Variants in COBLL1 observed in about 807,000 individuals in gnomAD.
COBLL1 encodes cordon-bleu protein-like 1.
Under a neutral mutation model 94.8 loss-of-function variants are expected in COBLL1, and 50 were observed. The ratio of observed to expected loss-of-function variants is 0.53; its 90% CI spans 0.42 to 0.67. The LOEUF is 0.67. COBLL1 is among the 30% of genes least tolerant of loss of function. The pLI is 0.00. For synonymous variants in COBLL1, 448 were observed against 473.8 expected (o/e 0.95, Z 0.71); for missense variants, 1,362 against 1,348.7 (o/e 1.01, Z -0.15).
chr2:164,841,450 C>A lies in COBLL1; in HGVS notation c.-50-204G>T, dbSNP rs1299169520. On this transcript the variant is annotated intron_variant, in intron 1 of 13. Transcript: ENST00000652658. This position sits in a 1 kb window ranked among gnomAD's most constrained non-coding sequence, Gnocchi z 5.5. ...CAAGGTCTAGCGGGCGCCCAGAGCA[C>A]GGCGGAGGAGGCGGTGGCGCTGCAG... The A allele has an allele frequency of 8.7e-7, 1 of 1,148,344 alleles. No individual in the cohort carries two copies. The highest frequency in any genetic ancestry group is 1.6e-5 in the African/African-American group (1 of 61,512). 71.1% of individuals were successfully genotyped at this position (1,148,344 alleles called of 1,614,324 possible). A position where few individuals can be genotyped will look rare whatever the true frequency, so the allele number is the denominator to read the frequency against.
At position 164,786,632 on chromosome 2, in the gene COBLL1, A is replaced by G. The variant is rs77366998; in HGVS notation, c.42-42757T>C. Among the ~76,000 whole-genome samples the G allele has an allele frequency of 3.7e-3, 560 of 152,250 alleles. 7 individuals are homozygous for G. The highest frequency in any genetic ancestry group is 0.012 in the African/African-American group (513 of 41,542). On this transcript the variant is annotated intron_variant, in intron 2 of 13. Coordinates refer to ENST00000652658, the MANE Select transcript of COBLL1 (RefSeq NM_001365672.2). ...TTTTAAAAGTCTGGAATCACAGCATAAAGAACCCGTATGCAGGATTTTCAT... is the reference window on the plus strand; with the variant it reads ...TTTTAAAAGTCTGGAATCACAGCATGAAGAACCCGTATGCAGGATTTTCAT...
At position 164,841,760 on chromosome 2, in the gene COBLL1, T is replaced by C. The variant is rs1574689263; in HGVS notation, c.-101A>G. Reference sequence around the variant, plus strand: ...TCGCCTGTTCTCCCTCGCGGCTTCCTCTCCTACTCTTCCCTTCCCCGGCCC... The same window carrying C: ...TCGCCTGTTCTCCCTCGCGGCTTCCCCTCCTACTCTTCCCTTCCCCGGCCC... On this transcript the variant is annotated 5_prime_UTR_variant, in exon 1 of 14. Coordinates refer to ENST00000652658, the MANE Select transcript of COBLL1 (RefSeq NM_001365672.2). The surrounding 1 kb of genome is among the most constrained non-coding windows in gnomAD (Gnocchi z 5.5). 1 of 543,570 alleles carries C rather than the reference T, an allele frequency of 1.8e-6. No individual in the cohort carries two copies. Among genetic ancestry groups the C allele is most frequent in the Non-Finnish European group, 3.2e-6 (1 of 311,408 alleles). The allele number at this position is 543,570 out of a possible 1,614,324, so 33.7% of individuals were successfully genotyped here.
At chr2:164,729,791 C>G in intron 4 of COBLL1, 123 bp downstream of exon 4, 8 of 825,604 alleles carry the variant, frequency 9.7e-6, no homozygotes, top group Non-Finnish European at 1.5e-5. Context: ...AACAAAGTGC[C>G]TAGAAAAACA....
At chr2:164,818,042 C>G (rs560427229) in intron 2 of COBLL1, among the ~76,000 whole-genome samples, 2 of 151,722 alleles carry the variant, frequency 1.3e-5, no homozygotes, top group African/African-American at 4.8e-5. Flanking sequence ...ATGAAGATAT[C>G]AATCCTTATT....
Position 164,841,491 on chromosome 2 carries a change from GT to G in COBLL1, c.-51+218del, listed in dbSNP as rs1683617741. 1 of 1,117,050 alleles carries G rather than the reference GT, an allele frequency of 9.0e-7. No homozygotes were observed. The allele number at this position is 1,117,050 out of a possible 1,614,324, so 69.2% of individuals were successfully genotyped here. A position where few individuals can be genotyped will look rare whatever the true frequency, so the allele number is the denominator to read the frequency against. On this transcript the variant is annotated intron_variant, in intron 1 of 13. Coordinates refer to ENST00000652658, the MANE Select transcript of COBLL1 (RefSeq NM_001365672.2). The surrounding 1 kb of genome is among the most constrained non-coding windows in gnomAD (Gnocchi z 5.5). ...GGCGCTGCAGCCCCCGCCCCGTGGG[GT>G]TTACTGGGTAGCCATTTGGCGCCTC...
At chr2:164,687,041 G>A (rs1425629842) in intron 13 of COBLL1, among the ~76,000 whole-genome samples, 1 of 152,084 alleles carries the variant, frequency 6.6e-6, no homozygotes, top group African/African-American at 2.4e-5. Flanking sequence ...GAGTTTTCTC[G>A]ATTGTCTGAT....
intron 2 of COBLL1, among the ~76,000 whole-genome samples, chr2:164,768,121 A>G (rs1312803084): frequency 6.6e-6 from 1 of 152,166 alleles, no homozygotes; most frequent in Non-Finnish European, 1.5e-5. Context: ...ACAAACCTTT[A>G]AGAAATCATG....
rs564085873 is a variant in COBLL1 at position 164,784,505 on chromosome 2, G to A, written c.42-40630C>T. Reference sequence around the variant, plus strand: ...CGTAATTATTTCATGTGGCTGCTGCGGTGAATTCCAGAGTGATGTGAGCAT... The same window carrying A: ...CGTAATTATTTCATGTGGCTGCTGCAGTGAATTCCAGAGTGATGTGAGCAT... On this transcript the variant is annotated intron_variant, in intron 2 of 13. Coordinates refer to ENST00000652658, the MANE Select transcript of COBLL1 (RefSeq NM_001365672.2). Among the ~76,000 whole-genome samples the A allele has an allele frequency of 6.8e-4, 103 of 152,124 alleles. No homozygotes were observed. The South Asian group carries it at 0.017, about 25-fold the overall frequency.
intron 2 of COBLL1, among the ~76,000 whole-genome samples, chr2:164,764,022 A>G (rs1574544323): frequency 6.6e-6 from 1 of 152,152 alleles, no homozygotes; most frequent in Non-Finnish European, 1.5e-5. Flanking sequence ...CAGCCTCCAG[A>G]GTAGCTGAGA....
chr2:164,841,091 AGGCCTCGCTGTCCTCGCC>A lies in COBLL1; in HGVS notation c.41+47_41+64del. The stretch of plus-strand genomic sequence containing the variant: ...AGTTGCCAGCCAGGTGAAACGGCCG[AGGCCTCGCTGTCCTCGCC>A]GGCCTCGCCCTCCCCGGTGAGAGGC... On this transcript the variant is annotated intron_variant, in intron 2 of 13. Transcript: ENST00000652658. The surrounding 1 kb of genome is among the most constrained non-coding windows in gnomAD (Gnocchi z 5.5). 1 of 1,224,996 alleles carries A rather than the reference AGGCCTCGCTGTCCTCGCC, an allele frequency of 8.2e-7. No individual in the cohort carries two copies. Among genetic ancestry groups the A allele is most frequent in the Non-Finnish European group, 1.0e-6 (1 of 982,656 alleles). 75.9% of individuals were successfully genotyped at this position (1,224,996 alleles called of 1,614,324 possible).
intron 2 of COBLL1, among the ~76,000 whole-genome samples, chr2:164,818,287 T>C (rs1317644685): frequency 7.0e-6 from 1 of 142,582 alleles, no homozygotes; most frequent in Non-Finnish European, 1.6e-5. Flanking sequence ...TATACATATA[T>C]GTATGTATAC....
chr2:164,714,048 C>T (rs544439175), intron 7 of COBLL1, among the ~76,000 whole-genome samples: 17 of 151,814 alleles, frequency 1.1e-4, no homozygotes, highest in East Asian at 9.7e-4. Context: ...AAAATGACAA[C>T]GGCAAAGAAG....
chr2:164,824,369 A>G (rs1487807596), intron 2 of COBLL1, among the ~76,000 whole-genome samples: 1 of 151,398 alleles, frequency 6.6e-6, no homozygotes, highest in African/African-American at 2.4e-5. Flanking sequence ...CAACAGAGTG[A>G]GACTCTGTCC....
In COBLL1 at chr2:164,771,904, A is replaced by T. The variant is rs1688223494; in HGVS notation, c.42-28029T>A. ...TGGAATATAATTATACTCAATATTG[A>T]ATGTATAATGAGTCTGTGTTAAACA... On this transcript the variant is annotated intron_variant, in intron 2 of 13. Coordinates refer to ENST00000652658, the MANE Select transcript of COBLL1 (RefSeq NM_001365672.2). 4 of 152,042 alleles carry T rather than the reference A, an allele frequency of 2.6e-5. 1 individual carries two copies. The South Asian group carries it at 8.3e-4, about 31-fold the overall frequency. The allele number at this position is 152,042 out of a possible 1,614,324, so 9.4% of individuals were successfully genotyped here.
chr2:164,677,473 C>T (rs921122770), downstream of COBLL1, among the ~76,000 whole-genome samples: 3 of 152,130 alleles, frequency 2.0e-5, no homozygotes, highest in Admixed American at 1.3e-4. Context: ...ACAAAACATG[C>T]TAGGACTAGC....
Position 164,694,638 on chromosome 2 carries a change from G to A in COBLL1, c.2754C>T (p.Pro918=). 1.9e-6 allele frequency: 3 copies of A among 1,613,840 alleles called. No individual in the cohort carries two copies. Among genetic ancestry groups the A allele is most frequent in the Non-Finnish European group, 2.5e-6 (3 of 1,179,946 alleles). The part of the protein sequence containing the change: ...MLPSPEQTLS[P]LSKMPHSVPQ... ...GAACAGAGTGAGGCATTTTACTTAAGGGAGAAAGAGTCTGCTCCGGAGAAG... is the reference window on the plus strand; with the variant it reads ...GAACAGAGTGAGGCATTTTACTTAAAGGAGAAAGAGTCTGCTCCGGAGAAG... The change falls in exon 12 of 14, where the codon CCC becomes CCT. Residue 918 remains proline (P), a synonymous_variant. Transcript: ENST00000652658.
chr2:164,711,812 AAC>A lies in COBLL1; in HGVS notation c.997-6709_997-6708del, dbSNP rs1403341798. On this transcript the variant is annotated intron_variant, in intron 7 of 13. Coordinates refer to ENST00000652658, the MANE Select transcript of COBLL1 (RefSeq NM_001365672.2). ...GTCTAAAGGCTTTACAAAATGAGAA[AAC>A]ACAGAGGTTTCTACTTACTAGGGGA... Among the ~76,000 whole-genome samples, 5 of 152,334 alleles carry A rather than the reference AAC, an allele frequency of 3.3e-5. No individual in the cohort carries two copies. In the South Asian group the frequency reaches 6.2e-4, roughly 19 times the overall value.
chr2:164,688,386 T>A (rs1046609012), intron 13 of COBLL1, among the ~76,000 whole-genome samples: 3 of 152,192 alleles, frequency 2.0e-5, no homozygotes, highest in Non-Finnish European at 2.9e-5. Flanking sequence ...GACAGTGTAG[T>A]GCTCAATAAA....
chr2:164,694,541 T>A lies in COBLL1; in HGVS notation c.2851A>T (p.Ile951Leu). 6.2e-7 allele frequency: 1 copy of A among 1,613,938 alleles called. No individual in the cohort carries two copies. The highest frequency in any genetic ancestry group is 8.5e-7 in the Non-Finnish European group (1 of 1,179,930). The change falls in exon 12 of 14, where the codon ATA (isoleucine) becomes TTA (leucine). Residue 951 changes from isoleucine to leucine, a missense_variant. Transcript: ENST00000652658. Reference sequence around the variant, plus strand: ...GGAATTGTCACAGGTTTTGGAGCTATGGGAGGAGGGGAGGCTTCAGCAGGA... The same window carrying A: ...GGAATTGTCACAGGTTTTGGAGCTAAGGGAGGAGGGGAGGCTTCAGCAGGA... ...QAPAEASPPP[I>L]APKPVTIPAS... is the part of the protein sequence containing the mutation.
Sources: gnomAD v4.1 joint callset for allele counts (sites outside exome capture counted in the v4.1 genomes callset) on GRCh38, gnomAD v4.1.1 for gene constraint, Gnocchi (gnomAD v3.1) non-coding constraint, MANE v1.5 for transcripts, NCBI Gene and HGNC (gene_info 2026-07-23, HGNC 2026-07-21) for gene names.